The following CTNNBIP1 variants were observed in gnomAD, a reference collection of about 807,000 sequenced individuals.
The protein encoded by CTNNBIP1 is beta-catenin-interacting protein 1.
Under a neutral mutation model 11.8 loss-of-function variants are expected in CTNNBIP1, and 7 were observed. The ratio of observed to expected loss-of-function variants is 0.60; its 90% CI spans 0.34 to 1.12. CTNNBIP1 has a LOEUF of 1.12. Among genes scored for constraint, CTNNBIP1 ranks in the 50% most tolerant of loss-of-function variants. The pLI is 0.03. For missense variants in CTNNBIP1, 101 were observed against 113.4 expected (o/e 0.89, Z 0.50); for synonymous variants, 58 against 43.9 (o/e 1.32, Z -1.26).
In CTNNBIP1 at chr1:9,850,462, A is replaced by T; in HGVS notation, c.*256T>A. 1 of 408,134 alleles carries T rather than the reference A, an allele frequency of 2.5e-6. No individual in the cohort carries two copies. Among genetic ancestry groups the T allele is most frequent in the Non-Finnish European group, 4.4e-6 (1 of 226,458 alleles). The allele number at this position is 408,134 out of a possible 1,614,324, so 25.3% of individuals were successfully genotyped here. A position where few individuals can be genotyped will look rare whatever the true frequency, so the allele number is the denominator to read the frequency against. ...TAAAAATAAAAGGTTTCTGTTGGTCAAGATTTAAAAAATAAAAAAGTTTCT... is the reference window on the plus strand; with the variant it reads ...TAAAAATAAAAGGTTTCTGTTGGTCTAGATTTAAAAAATAAAAAAGTTTCT... On this transcript the variant is annotated 3_prime_UTR_variant, in exon 6 of 6. Coordinates refer to ENST00000377263, the MANE Select transcript of CTNNBIP1 (RefSeq NM_020248.3).
chr1:9,876,522 C>T (rs996199406), intron 3 of CTNNBIP1, among the ~76,000 whole-genome samples: 46 of 152,174 alleles, frequency 3.0e-4, no homozygotes, highest in Non-Finnish European at 3.4e-4. Context: ...GAGACCGAGG[C>T]AGGAGAATCG....
chr1:9,886,699 G>C (rs1187149262), intron 1 of CTNNBIP1, among the ~76,000 whole-genome samples: 7 of 152,188 alleles, frequency 4.6e-5, no homozygotes, highest in Admixed American at 4.6e-4. Flanking sequence ...TTGCTCTCCA[G>C]TATACAAGTA....
intron 1 of CTNNBIP1, among the ~76,000 whole-genome samples, chr1:9,887,355 C>T (rs561139175): frequency 5.3e-5 from 8 of 152,186 alleles, no homozygotes; most frequent in Non-Finnish European, 1.2e-4. Context: ...CCATGCTTTC[C>T]CTCTCTCCTA....
intron 1 of CTNNBIP1, among the ~76,000 whole-genome samples, chr1:9,894,059 C>A (rs1032636587): frequency 6.6e-6 from 1 of 151,590 alleles, no homozygotes; most frequent in African/African-American, 2.4e-5. Context: ...GTTTTTTTTT[C>A]TTCCTCCTCA....
chr1:9,909,540 G>A (rs1639687934), intron 1 of CTNNBIP1, among the ~76,000 whole-genome samples: 1 of 152,106 alleles, frequency 6.6e-6, no homozygotes, highest in East Asian at 1.9e-4. Flanking sequence ...GGAGGTGAGA[G>A]GTGCAGTTTG....
At chr1:9,873,437 G>C (rs1478202359) in intron 3 of CTNNBIP1, among the ~76,000 whole-genome samples, 1 of 152,146 alleles carries the variant, frequency 6.6e-6, no homozygotes, top group Non-Finnish European at 1.5e-5. Flanking sequence ...TCCCAGCATG[G>C]GGAAGGCCAT....
Position 9,889,411 on chromosome 1 carries a change from G to T in CTNNBIP1, c.-143-5673C>A, listed in dbSNP as rs1201286935. On this transcript the variant is annotated intron_variant, in intron 1 of 5. Coordinates refer to ENST00000377263, the MANE Select transcript of CTNNBIP1 (RefSeq NM_020248.3). ...CAATAATTATCCAGCCCCACGTCTGGAGAGCTGAGTGAGAAGCCCTACTAG... is the reference window on the plus strand; with the variant it reads ...CAATAATTATCCAGCCCCACGTCTGTAGAGCTGAGTGAGAAGCCCTACTAG... Among the ~76,000 whole-genome samples, 3 of 152,142 alleles carry T rather than the reference G, an allele frequency of 2.0e-5. No individual in the cohort carries two copies. In the East Asian group the frequency reaches 5.8e-4, roughly 29 times the overall value.
In CTNNBIP1 at chr1:9,883,593, G is replaced by C. The variant is rs1174029714; in HGVS notation, c.-110+112C>G. The C allele has an allele frequency of 6.5e-6, 1 of 152,828 alleles. No individual in the cohort carries two copies. The highest frequency in any genetic ancestry group is 1.5e-5 in the Non-Finnish European group (1 of 68,128). The allele number at this position is 152,828 out of a possible 1,614,324, so 9.5% of individuals were successfully genotyped here. ...AGCCTGATCCAGCACCTGGTGTGTG[G>C]CATGGCAGGCCCACAAGGAGAGCAG... is the stretch of plus-strand genomic sequence containing the variant. On this transcript the variant is annotated intron_variant, in intron 2 of 5. Transcript: ENST00000377263. The surrounding 1 kb of genome is among the most constrained non-coding windows in gnomAD (Gnocchi z 5.6).
chr1:9,873,446 A>G (rs938327383), intron 3 of CTNNBIP1, among the ~76,000 whole-genome samples: 3 of 152,190 alleles, frequency 2.0e-5, no homozygotes, highest in African/African-American at 7.2e-5. Flanking sequence ...GGGGAAGGCC[A>G]TAATTTCCTG....
chr1:9,887,789 C>T (rs889934808), intron 1 of CTNNBIP1, among the ~76,000 whole-genome samples: 1 of 151,966 alleles, frequency 6.6e-6, no homozygotes, highest in Non-Finnish European at 1.5e-5. Flanking sequence ...GAGATTAATT[C>T]GAAAATAAGG....
chr1:9,868,991 T>C (rs2101473571), intron 5 of CTNNBIP1, among the ~76,000 whole-genome samples: 1 of 152,254 alleles, frequency 6.6e-6, no homozygotes, highest in African/African-American at 2.4e-5. Context: ...CCAGCTTCTT[T>C]GTCTTTTAAA....
intron 2 of CTNNBIP1, among the ~76,000 whole-genome samples, chr1:9,882,326 G>A (rs71643074): frequency 3.3e-5 from 5 of 152,224 alleles, no homozygotes; most frequent in Non-Finnish European, 7.3e-5. Context: ...TGTGATGAGA[G>A]GCTTCCAATG....
At chr1:9,908,193 G>T (rs1021275226) in intron 1 of CTNNBIP1, among the ~76,000 whole-genome samples, 6 of 151,840 alleles carry the variant, frequency 4.0e-5, no homozygotes, top group African/African-American at 1.5e-4. Flanking sequence ...CAAGTAGCTG[G>T]GACTACAGGC....
chr1:9,857,973 T>C (rs1320059726), intron 5 of CTNNBIP1, among the ~76,000 whole-genome samples: 1 of 152,184 alleles, frequency 6.6e-6, no homozygotes. Context: ...CCAAGCCTGC[T>C]CCACAGTCTT....
intron 1 of CTNNBIP1, among the ~76,000 whole-genome samples, chr1:9,899,466 A>AG (rs1450565319): frequency 6.8e-6 from 1 of 147,348 alleles, no homozygotes; most frequent in East Asian, 1.9e-4. Context: ...AAAAAAAAAA[A>AG]AAAAAAAAAA....
chr1:9,880,795 A>G (rs1460455947), intron 2 of CTNNBIP1, among the ~76,000 whole-genome samples: 4 of 152,206 alleles, frequency 2.6e-5, no homozygotes, highest in Non-Finnish European at 5.9e-5. Flanking sequence ...AACTAGATTC[A>G]GTTTTCAGTT....
chr1:9,895,280 C>A (rs2101534059), intron 1 of CTNNBIP1, among the ~76,000 whole-genome samples: 1 of 151,782 alleles, frequency 6.6e-6, no homozygotes, highest in East Asian at 1.9e-4. Context: ...CTCACTGCAA[C>A]CTCCGCCTCC....
At chr1:9,870,382 C>G (rs1570572336) in intron 5 of CTNNBIP1, among the ~76,000 whole-genome samples, 1 of 152,294 alleles carries the variant, frequency 6.6e-6, no homozygotes, top group Non-Finnish European at 1.5e-5. Context: ...CCTTGCTGAG[C>G]AGCCAAGGGA....
At chr1:9,857,593 G>A (rs769910814) in intron 5 of CTNNBIP1, among the ~76,000 whole-genome samples, 5 of 151,998 alleles carry the variant, frequency 3.3e-5, no homozygotes, top group Non-Finnish European at 5.9e-5. Flanking sequence ...CTGAGGTCAG[G>A]AGTTTGAGAC....
Sources: gnomAD v4.1 joint callset for allele counts (sites outside exome capture counted in the v4.1 genomes callset) on GRCh38, gnomAD v4.1.1 for gene constraint, Gnocchi (gnomAD v3.1) non-coding constraint, MANE v1.5 for transcripts, NCBI Gene and HGNC (gene_info 2026-07-23, HGNC 2026-07-21) for gene names.